ANKRD11: variants seen among roughly 807,000 people sequenced by gnomAD.
The protein encoded by ANKRD11 is ankyrin repeat domain-containing protein 11.
In ANKRD11, 17 loss-of-function variants were observed where a neutral mutation model predicts 195.7. The ratio of observed to expected loss-of-function variants is 0.09; its 90% confidence interval spans 0.06 to 0.13. The LOEUF is 0.13. Among genes scored for constraint, ANKRD11 ranks in the 10% least tolerant of loss-of-function variants. The pLI is 1.00. For missense variants in ANKRD11, 3,735 were observed against 3,566.1 expected (o/e 1.05, Z -1.21); for synonymous variants, 1,953 against 1,528.1 (o/e 1.28, Z -6.49).
At chr16:89,385,706 A>G (rs2040877394) in intron 2 of ANKRD11, among the ~76,000 whole-genome samples, 1 of 152,288 alleles carries the variant, frequency 6.6e-6, no homozygotes, top group South Asian at 2.1e-4. Context: ...CATCACGTAC[A>G]GTCTGCAAAG....
intron 2 of ANKRD11, among the ~76,000 whole-genome samples, chr16:89,387,874 G>A (rs1167550420): frequency 1.3e-5 from 2 of 151,296 alleles, no homozygotes; most frequent in African/African-American, 4.9e-5. Flanking sequence ...GCGTGGTGGT[G>A]GGTGGTGGTC....
At chr16:89,417,419 A>C (rs1224577428) in intron 2 of ANKRD11, among the ~76,000 whole-genome samples, 2 of 152,224 alleles carry the variant, frequency 1.3e-5, no homozygotes, top group East Asian at 3.8e-4. Context: ...ATAACCTGCC[A>C]GTTCACCATG....
chr16:89,305,221 T>C lies in ANKRD11; in HGVS notation c.211A>G (p.Lys71Glu). The stretch of plus-strand genomic sequence containing the variant: ...GGGCTGGTACCTGTGTCCGAGTCCT[T>C]CTGCTCCCCATTGGCGCCCGCGGTG... Reference protein sequence around the residue: ...PFTAGANGEQKDSDTEKQGPE... With the variant: ...PFTAGANGEQEDSDTEKQGPE... The change falls in exon 4 of 13, where the codon AAG becomes GAG. Residue 71 changes from lysine (K) to glutamate (E), a missense_variant. Transcript: ENST00000301030. 1.9e-6 allele frequency: 3 copies of C among 1,613,154 alleles called. No individual in the cohort carries two copies. Among genetic ancestry groups the C allele is most frequent in the Non-Finnish European group, 2.5e-6 (3 of 1,179,810 alleles).
chr16:89,329,504 A>C (rs141744144), intron 2 of ANKRD11, among the ~76,000 whole-genome samples: 7 of 152,380 alleles, frequency 4.6e-5, no homozygotes, highest in African/African-American at 1.2e-4. Flanking sequence ...TACGTTTCCC[A>C]AAACCCACTG....
intron 11 of ANKRD11, chr16:89,271,142 G>A (rs2033114970): frequency 1.7e-6 from 1 of 580,054 alleles, no homozygotes; most frequent in Non-Finnish European, 3.2e-6. Context: ...TGTCTCCTGG[G>A]CACCGGGTGC....
chr16:89,285,403 A>T lies in ANKRD11; in HGVS notation c.1139T>A (p.Phe380Tyr). 6.2e-7 allele frequency: 1 copy of T among 1,614,078 alleles called. No homozygotes were observed. Among genetic ancestry groups the T allele is most frequent in the South Asian group, 1.1e-5 (1 of 91,078 alleles). Residue 380 changes from phenylalanine to tyrosine, a missense_variant, in exon 9 of 13, where the codon TTT becomes TAT. Coordinates refer to ENST00000301030, the MANE Select transcript of ANKRD11 (RefSeq NM_013275.6). This position sits in a 1 kb window ranked among gnomAD's most constrained non-coding sequence, Gnocchi z 5.6. ...DYRKETKSNS[F>Y]ISIPKMEVKS... ...AACCTCCATTTTGGGTATAGAGATA[A>T]AACTATTGGATTTCGTTTCTTTTCT...
At chr16:89,450,447 C>T (rs1050516495) in intron 1 of ANKRD11, among the ~76,000 whole-genome samples, 1 of 152,176 alleles carries the variant, frequency 6.6e-6, no homozygotes. Context: ...TGCCTCCCTC[C>T]GACGGTGTAC....
chr16:89,324,811 G>T (rs556863325), intron 2 of ANKRD11: 2 of 285,194 alleles, frequency 7.0e-6, no homozygotes, highest in African/African-American at 2.3e-5. Context: ...TGAGGTTTGG[G>T]GACTCGGACT....
rs1460678508 is a variant in ANKRD11 at position 89,279,057 on chromosome 16, G to T, written c.7470+15C>A. On this transcript the variant is annotated intron_variant, in intron 9 of 12. Coordinates refer to ENST00000301030, the MANE Select transcript of ANKRD11 (RefSeq NM_013275.6). The surrounding 1 kb of genome is among the most constrained non-coding windows in gnomAD (Gnocchi z 5.6). ...AGAGAGAGAAGGCAGTGGCTCTCCC[G>T]GGCCCCGCACTCACCACGGGGATGT... is the stretch of plus-strand genomic sequence containing the variant. The T allele has an allele frequency of 1.9e-6, 3 of 1,613,208 alleles. No individual in the cohort carries two copies. The highest frequency in any genetic ancestry group is 1.1e-5 in the South Asian group (1 of 90,992).
At chr16:89,352,079 G>A (rs545350012) in intron 2 of ANKRD11, among the ~76,000 whole-genome samples, 3 of 151,590 alleles carry the variant, frequency 2.0e-5, no homozygotes, top group East Asian at 3.9e-4. Context: ...GTGTAGAGGC[G>A]GGGGTTTCAA....
At chr16:89,432,627 G>C (rs1246793249) in intron 1 of ANKRD11, among the ~76,000 whole-genome samples, 1 of 152,012 alleles carries the variant, frequency 6.6e-6, no homozygotes, top group Non-Finnish European at 1.5e-5. Context: ...TCTCTACGGA[G>C]ATATGTATTG....
Position 89,285,496 on chromosome 16 carries a change from A to C in ANKRD11, c.1046T>G (p.Phe349Cys). Residue 349 changes from phenylalanine (F) to cysteine (C), a missense_variant, in exon 9 of 13, where the codon TTT becomes TGT. Phe to Cys is a radical substitution (Grantham distance 205, BLOSUM62 -2). Transcript: ENST00000301030. This position sits in a 1 kb window ranked among gnomAD's most constrained non-coding sequence, Gnocchi z 5.6. ...ATAPVKDEYE[F>C]DEDDEQDRVP... ...CCTGTCCTGCTCGTCGTCCTCATCA[A>C]ACTCATACTCGTCCTTGACGGGGGC... 6.2e-7 allele frequency: 1 copy of C among 1,614,108 alleles called. No homozygotes were observed. Among genetic ancestry groups the C allele is most frequent in the Non-Finnish European group, 8.5e-7 (1 of 1,180,014 alleles).
Position 89,279,916 on chromosome 16 carries a change from C to T in ANKRD11, c.6626G>A (p.Gly2209Glu), listed in dbSNP as rs1453324551. 1 of 1,609,712 alleles carries T rather than the reference C, an allele frequency of 6.2e-7. No individual in the cohort carries two copies. The highest frequency in any genetic ancestry group is 1.7e-5 in the Admixed American group (1 of 59,922). The part of the protein sequence containing the change: ...LPAELEPEPS[G>E]EPKLDVALEA... ...TAGAGCCACGTCCAGCTTTGGCTCC[C>T]CTGAGGGCTCAGGCTCGAGCTCTGC... The change falls in exon 9 of 13, where the codon GGG (glycine) becomes GAG (glutamate). Residue 2209 changes from glycine to glutamate, a missense_variant. By Grantham distance (98) the Gly-to-Glu change is moderately conservative. Transcript: ENST00000301030. This position sits in a 1 kb window ranked among gnomAD's most constrained non-coding sequence, Gnocchi z 5.6.
chr16:89,342,645 A>C (rs182419958), intron 2 of ANKRD11, among the ~76,000 whole-genome samples: 6 of 152,330 alleles, frequency 3.9e-5, no homozygotes, highest in Non-Finnish European at 8.8e-5. Context: ...CCCAAGTATG[A>C]GCTGACATTC....
chr16:89,395,839 G>T (rs1461421631), intron 2 of ANKRD11: 3 of 152,190 alleles, frequency 2.0e-5, no homozygotes, highest in Admixed American at 2.0e-4. Flanking sequence ...TTCACTGGAG[G>T]ACTGCTGGGG....
At chr16:89,286,341 T>G (rs2034643063) in intron 7 of ANKRD11, 155 bp from the exon 8 acceptor site, 8 of 1,101,404 alleles carry the variant, frequency 7.3e-6, no homozygotes, top group African/African-American at 1.5e-5. Flanking sequence ...GCCCAGGGAC[T>G]GCCTGGCGAG....
intron 4 of ANKRD11, chr16:89,300,544 A>G (rs926486288): frequency 3.4e-5 from 9 of 268,238 alleles, no homozygotes; most frequent in Non-Finnish European, 6.3e-5. Flanking sequence ...AGCCTCTTCA[A>G]CTTCACACAC....
At chr16:89,435,835 C>CACACACA (rs1555578690) in intron 1 of ANKRD11, among the ~76,000 whole-genome samples, 85 of 150,030 alleles carry the variant, frequency 5.7e-4, no homozygotes, top group African/African-American at 2.0e-3. Flanking sequence ...CACACACACA[C>CACACACA]GCTTTCGGTC....
intron 2 of ANKRD11, among the ~76,000 whole-genome samples, chr16:89,381,331 C>CAAAAAAA (rs10567322): frequency 1.0e-4 from 8 of 76,364 alleles, no homozygotes; most frequent in African/African-American, 4.6e-4. Context: ...GACTCTGCTG[C>CAAAAAAA]AAAAAAAAAA....
Sources: gnomAD v4.1 joint callset for allele counts (sites outside exome capture counted in the v4.1 genomes callset) on GRCh38, gnomAD v4.1.1 for gene constraint, Gnocchi (gnomAD v3.1) non-coding constraint, MANE v1.5 for transcripts, NCBI Gene and HGNC (gene_info 2026-07-23, HGNC 2026-07-21) for gene names.